Variants in TTC28 observed in about 807,000 individuals in gnomAD.
The protein encoded by TTC28 is tetratricopeptide repeat protein 28.
Under a neutral mutation model 198.0 loss-of-function variants are expected in TTC28, and 61 were observed. That is an observed-to-expected ratio of 0.31 (90% CI 0.25 to 0.38). The LOEUF is 0.38. TTC28 is among the 10% of genes least tolerant of loss of function. The pLI is 1.00. For synonymous variants in TTC28, 1,171 were observed against 1,297.8 expected, an observed-to-expected ratio of 0.90 and a Z score of 2.10; for missense variants, 2,678 against 3,164.0, an observed-to-expected ratio of 0.85 and a Z score of 3.69.
At chr22:28,292,078 TATA>T (rs1286680233) in intron 5 of TTC28, among the ~76,000 whole-genome samples, 1 of 152,102 alleles carries the variant, frequency 6.6e-6, no homozygotes, top group African/African-American at 2.4e-5. Context: ...AATATTAACT[TATA>T]ATTAATAATT....
At chr22:28,239,203 T>C (rs1288475417) in intron 5 of TTC28, among the ~76,000 whole-genome samples, 2 of 152,200 alleles carry the variant, frequency 1.3e-5, no homozygotes, top group Admixed American at 1.3e-4. Context: ...TTTGCTTCAA[T>C]TTCCCTTCTA....
intron 2 of TTC28, among the ~76,000 whole-genome samples, chr22:28,612,820 C>T (rs547549931): frequency 1.3e-5 from 2 of 152,220 alleles, no homozygotes; most frequent in African/African-American, 4.8e-5. Flanking sequence ...ATCTCTGATA[C>T]GCATTTAAAG....
chr22:28,043,846 G>A (rs1397544515), intron 12 of TTC28, among the ~76,000 whole-genome samples: 3 of 152,168 alleles, frequency 2.0e-5, no homozygotes, highest in East Asian at 3.9e-4. Context: ...TTATGGGCAC[G>A]TTGGAGAGTC....
intron 12 of TTC28, among the ~76,000 whole-genome samples, chr22:28,046,717 A>C (rs1187987336): frequency 2.0e-5 from 3 of 152,212 alleles, no homozygotes; most frequent in African/African-American, 7.2e-5. Context: ...GGATATACAC[A>C]CAGCAATATA....
chr22:28,293,033 A>G (rs771881369), intron 5 of TTC28, among the ~76,000 whole-genome samples: 2 of 152,200 alleles, frequency 1.3e-5, no homozygotes, highest in Non-Finnish European at 2.9e-5. Context: ...TTCTAAACCA[A>G]TATTAACTCC....
At chr22:28,381,048 T>TA (rs1480799912) in intron 2 of TTC28, among the ~76,000 whole-genome samples, 1 of 151,390 alleles carries the variant, frequency 6.6e-6, no homozygotes, top group Non-Finnish European at 1.5e-5. Flanking sequence ...GTACTAGGTT[T>TA]ACAGTTGTTA....
At chr22:28,183,794 C>A (rs1923935195) in intron 5 of TTC28, among the ~76,000 whole-genome samples, 1 of 152,030 alleles carries the variant, frequency 6.6e-6, no homozygotes, top group Non-Finnish European at 1.5e-5. Flanking sequence ...TTTAGAATTT[C>A]TGACAGTTTT....
Position 28,517,714 on chromosome 22 carries a change from GA to G in TTC28, c.381+111837del, listed in dbSNP as rs562372114. Among the ~76,000 whole-genome samples, 297 of 152,078 alleles carry G rather than the reference GA, an allele frequency of 2.0e-3. 1 individual carries two copies. The highest frequency in any genetic ancestry group is 7.0e-3 in the African/African-American group (290 of 41,496). Reference sequence around the variant, plus strand: ...TGGAGTCCTACAATTCATCCCAACTGAAAAAACTTCATAAAGTCATTTAAAT... The same window carrying G: ...TGGAGTCCTACAATTCATCCCAACTGAAAAACTTCATAAAGTCATTTAAAT... On this transcript the variant is annotated intron_variant, in intron 2 of 22. Transcript: ENST00000397906.
chr22:28,577,398 A>C (rs2050167705), intron 2 of TTC28, among the ~76,000 whole-genome samples: 1 of 152,276 alleles, frequency 6.6e-6, no homozygotes, highest in South Asian at 2.1e-4. Flanking sequence ...CATACAGTCT[A>C]TCCCTGAGAA....
chr22:28,330,579 A>C (rs936898599), intron 2 of TTC28, among the ~76,000 whole-genome samples: 1 of 152,182 alleles, frequency 6.6e-6, no homozygotes, highest in Admixed American at 6.6e-5. Flanking sequence ...ATTAAAACTT[A>C]CTATTTTCTA....
intron 2 of TTC28, among the ~76,000 whole-genome samples, chr22:28,478,661 T>C (rs2048199965): frequency 6.6e-6 from 1 of 152,174 alleles, no homozygotes; most frequent in Non-Finnish European, 1.5e-5. Flanking sequence ...AGATAGGCTA[T>C]GAGTTGCTAA....
intron 21 of TTC28, among the ~76,000 whole-genome samples, chr22:27,988,791 G>A (rs1937299456): frequency 6.6e-6 from 1 of 152,006 alleles, no homozygotes; most frequent in South Asian, 2.1e-4. Context: ...CCTCGGCCTG[G>A]CACTTTCTCC....
At chr22:28,616,571 G>A (rs2146170868) in intron 2 of TTC28, among the ~76,000 whole-genome samples, 1 of 152,288 alleles carries the variant, frequency 6.6e-6, no homozygotes, top group African/African-American at 2.4e-5. Context: ...TGTCATCACA[G>A]ACAGACACAG....
At chr22:28,615,784 G>A (rs1051585945) in intron 2 of TTC28, among the ~76,000 whole-genome samples, 2 of 149,632 alleles carry the variant, frequency 1.3e-5, no homozygotes, top group Non-Finnish European at 3.0e-5. Flanking sequence ...TCACACATCG[G>A]GGCCTGTAGG....
chr22:28,539,811 GTGT>G (rs2049372504), intron 2 of TTC28, among the ~76,000 whole-genome samples: 1 of 151,978 alleles, frequency 6.6e-6, no homozygotes, highest in Non-Finnish European at 1.5e-5. Context: ...GGCCGTTCTT[GTGT>G]TGTTATAAAG....
At chr22:28,316,397 C>T (rs1161105011) in intron 2 of TTC28, among the ~76,000 whole-genome samples, 2 of 152,230 alleles carry the variant, frequency 1.3e-5, no homozygotes, top group East Asian at 3.9e-4. Context: ...CCAACTTTTT[C>T]TTTTCAAAAT....
intron 12 of TTC28, 27 bp from the exon 13 acceptor site, chr22:28,030,393 A>C (rs1289065711): frequency 9.7e-6 from 15 of 1,551,150 alleles, no homozygotes; most frequent in Non-Finnish European, 1.3e-5. Context: ...AGAAAAAGCC[A>C]ATCAGAGAAA....
At chr22:28,255,079 C>A (rs748896324) in intron 5 of TTC28, among the ~76,000 whole-genome samples, 5 of 152,004 alleles carry the variant, frequency 3.3e-5, no homozygotes, top group Non-Finnish European at 5.9e-5. Flanking sequence ...ACTGGTGAAA[C>A]CCCTGAGTTT....
chr22:28,455,084 T>A (rs2047838727), intron 2 of TTC28, among the ~76,000 whole-genome samples: 1 of 152,154 alleles, frequency 6.6e-6, no homozygotes, highest in South Asian at 2.1e-4. Context: ...ATAAGAAAAC[T>A]ATTAACTGAA....
Sources: allele counts gnomAD v4.1 joint callset (sites outside exome capture counted in the v4.1 genomes callset), GRCh38; gene constraint gnomAD v4.1.1; transcripts MANE v1.5; gene names NCBI Gene and HGNC (gene_info 2026-07-23, HGNC 2026-07-21).